Variants in ST6GALNAC3 observed in about 807,000 individuals in gnomAD.
ST6GALNAC3 encodes the protein ST6 N-acetylgalactosaminide alpha-2,6-sialyltransferase 3.
A neutral mutation model predicts 32.7 loss-of-function variants in ST6GALNAC3; 25 were observed. The ratio of observed to expected loss-of-function variants is 0.76; its 90% confidence interval spans 0.56 to 1.07. The LOEUF is 1.07. Ranked by LOEUF, ST6GALNAC3 falls within the 50% of genes least tolerant of loss-of-function variation. ST6GALNAC3 has a pLI of 0.00. For missense variants in ST6GALNAC3, 355 were observed against 382.4 expected (o/e 0.93, Z 0.60); for synonymous variants, 129 against 133.1 (o/e 0.97, Z 0.21).
intron 3 of ST6GALNAC3, among the ~76,000 whole-genome samples, chr1:76,493,185 C>A (rs1660608006): frequency 6.6e-6 from 1 of 152,154 alleles, no homozygotes; most frequent in Non-Finnish European, 1.5e-5. Context: ...TAAAGAACAT[C>A]TGCTCTAAAT....
chr1:76,578,904 A>T (rs904597114), intron 3 of ST6GALNAC3, among the ~76,000 whole-genome samples: 2 of 152,064 alleles, frequency 1.3e-5, no homozygotes, highest in African/African-American at 4.8e-5. Flanking sequence ...ATACCTATGC[A>T]TACACAAATT....
intron 1 of ST6GALNAC3, among the ~76,000 whole-genome samples, chr1:76,273,654 A>T (rs1451142715): frequency 6.6e-6 from 1 of 152,256 alleles, no homozygotes; most frequent in Admixed American, 6.5e-5. Context: ...AAGTTAAGAC[A>T]GCAGACCTGT....
At chr1:76,419,819 G>A (rs912166297) in intron 3 of ST6GALNAC3, among the ~76,000 whole-genome samples, 23 of 152,114 alleles carry the variant, frequency 1.5e-4, no homozygotes, top group Middle Eastern at 3.4e-3. Context: ...GATGTTTGCC[G>A]AATTGAATTT....
intron 3 of ST6GALNAC3, among the ~76,000 whole-genome samples, chr1:76,446,387 ACTT>A (rs1455443714): frequency 6.6e-6 from 1 of 152,130 alleles, no homozygotes; most frequent in East Asian, 1.9e-4. Context: ...TTGGTGGTGT[ACTT>A]CTTAAGGATC....
At chr1:76,229,052 G>A (rs1251322496) in intron 1 of ST6GALNAC3, among the ~76,000 whole-genome samples, 1 of 152,136 alleles carries the variant, frequency 6.6e-6, no homozygotes, top group African/African-American at 2.4e-5. Context: ...AGGGCTGAGA[G>A]ACTGATTATA....
chr1:76,595,702 C>T (rs1347903315), intron 3 of ST6GALNAC3, among the ~76,000 whole-genome samples: 3 of 152,040 alleles, frequency 2.0e-5, no homozygotes, highest in Non-Finnish European at 4.4e-5. Context: ...CACACACACA[C>T]ACACGGCCAT....
intron 2 of ST6GALNAC3, among the ~76,000 whole-genome samples, chr1:76,341,999 G>A (rs1488531711): frequency 6.6e-6 from 1 of 151,952 alleles, no homozygotes; most frequent in African/African-American, 2.4e-5. Context: ...TGAGAATGAT[G>A]GTTTCCAGCT....
intron 1 of ST6GALNAC3, among the ~76,000 whole-genome samples, chr1:76,078,051 G>A (rs1189966481): frequency 6.6e-6 from 1 of 152,160 alleles, no homozygotes; most frequent in Non-Finnish European, 1.5e-5. Flanking sequence ...CCCTGTCATT[G>A]GGTAGTTCAG....
chr1:76,359,924 A>C (rs946731058), intron 2 of ST6GALNAC3, among the ~76,000 whole-genome samples: 1 of 152,214 alleles, frequency 6.6e-6, no homozygotes, highest in Non-Finnish European at 1.5e-5. Flanking sequence ...TCCCAAACAT[A>C]CATCTTTAGC....
chr1:76,518,790 C>A (rs1237928249), intron 3 of ST6GALNAC3, among the ~76,000 whole-genome samples: 1 of 152,032 alleles, frequency 6.6e-6, no homozygotes, highest in Admixed American at 6.6e-5. Flanking sequence ...TTAGTGGGGG[C>A]GCAGTGGCTC....
chr1:76,261,538 T>G (rs1180912617), intron 1 of ST6GALNAC3, among the ~76,000 whole-genome samples: 1 of 152,220 alleles, frequency 6.6e-6, no homozygotes, highest in African/African-American at 2.4e-5. Context: ...GCCACGTGCC[T>G]CTGCACAAGC....
At chr1:76,259,423 A>G (rs1057055930) in intron 1 of ST6GALNAC3, among the ~76,000 whole-genome samples, 6 of 152,160 alleles carry the variant, frequency 3.9e-5, no homozygotes, top group Non-Finnish European at 8.8e-5. Flanking sequence ...GTTTCATGTG[A>G]CAATATCTAT....
chr1:76,519,896 A>C (rs551673360), intron 3 of ST6GALNAC3, among the ~76,000 whole-genome samples: 2 of 151,896 alleles, frequency 1.3e-5, no homozygotes, highest in African/African-American at 4.8e-5. Flanking sequence ...ATATATAAAT[A>C]TATACATGCA....
At position 76,421,100 on chromosome 1, in the gene ST6GALNAC3, C is replaced by T. The variant is rs903278866; in HGVS notation, c.623+8683C>T. Among the ~76,000 whole-genome samples the T allele has an allele frequency of 3.3e-5, 5 of 151,968 alleles. No homozygotes were observed. The East Asian group carries it at 7.7e-4, about 24-fold the overall frequency. The stretch of plus-strand genomic sequence containing the variant: ...ATGGGTGAATGAATAAATAAATGGA[C>T]GAGTAAAAGAAGAAATAACACTTAA... On this transcript the variant is annotated intron_variant, in intron 3 of 4. Coordinates refer to ENST00000328299, the MANE Select transcript of ST6GALNAC3 (RefSeq NM_152996.4).
chr1:76,403,689 A>G lies in ST6GALNAC3; in HGVS notation c.214-8319A>G, dbSNP rs567002398. On this transcript the variant is annotated intron_variant, in intron 2 of 4. Coordinates refer to ENST00000328299, the MANE Select transcript of ST6GALNAC3 (RefSeq NM_152996.4). ...TATATTCCTAGTTGAGTGACATGCA[A>G]GTACACTAATACCATATAGCAAGAA... Among the ~76,000 whole-genome samples the G allele has an allele frequency of 3.3e-5, 5 of 152,242 alleles. No homozygotes were observed. The South Asian group carries it at 8.3e-4, about 25-fold the overall frequency.
chr1:76,295,165 C>T (rs1372958208), intron 1 of ST6GALNAC3, among the ~76,000 whole-genome samples: 12 of 151,764 alleles, frequency 7.9e-5, no homozygotes, highest in Non-Finnish European at 4.4e-5. Context: ...TATTTTTTCC[C>T]ACCAGGGAGC....
intron 2 of ST6GALNAC3, among the ~76,000 whole-genome samples, chr1:76,400,670 T>C (rs1272167768): frequency 1.3e-5 from 2 of 152,236 alleles, no homozygotes; most frequent in Non-Finnish European, 2.9e-5. Context: ...GCAGATCACC[T>C]GAGGTTAGGA....
At chr1:76,132,848 C>T (rs747649074) in intron 1 of ST6GALNAC3, among the ~76,000 whole-genome samples, 1 of 152,210 alleles carries the variant, frequency 6.6e-6, no homozygotes, top group Non-Finnish European at 1.5e-5. Flanking sequence ...GCTTCATCTA[C>T]GTCCTGTCTG....
At chr1:76,595,190 T>C (rs1288627102) in intron 3 of ST6GALNAC3, among the ~76,000 whole-genome samples, 1 of 152,130 alleles carries the variant, frequency 6.6e-6, no homozygotes, top group Non-Finnish European at 1.5e-5. Flanking sequence ...AGTACAGACA[T>C]AATGCCGAAA....
Sources: allele counts gnomAD v4.1 joint callset (sites outside exome capture counted in the v4.1 genomes callset), GRCh38; gene constraint gnomAD v4.1.1; transcripts MANE v1.5; gene names NCBI Gene and HGNC (gene_info 2026-07-23, HGNC 2026-07-21).